CNKSR3: variants seen among roughly 807,000 people sequenced by gnomAD.
CNKSR3 encodes the protein CNKSR family member 3.
In CNKSR3, 36 loss-of-function variants were observed where a neutral mutation model predicts 67.7. That is an observed-to-expected ratio of 0.53 (90% CI 0.41 to 0.70). The LOEUF is 0.70. CNKSR3 is among the 30% of genes least tolerant of loss of function. The pLI, the probability that CNKSR3 is intolerant of heterozygous loss-of-function variation, is 0.00. For missense variants in CNKSR3, 630 were observed against 695.2 expected, an observed-to-expected ratio of 0.91 and a Z score of 1.05; for synonymous variants, 281 against 271.4, an observed-to-expected ratio of 1.04 and a Z score of -0.35.
chr6:154,470,675 C>G (rs1786310174), intron 1 of CNKSR3, among the ~76,000 whole-genome samples: 1 of 152,170 alleles, frequency 6.6e-6, no homozygotes, highest in African/African-American at 2.4e-5. Context: ...CATTTTTATC[C>G]ATTCATCAGT....
intron 1 of CNKSR3, among the ~76,000 whole-genome samples, chr6:154,494,794 A>G (rs546166619): frequency 6.6e-6 from 1 of 152,066 alleles, no homozygotes; most frequent in South Asian, 2.1e-4. Context: ...TGCCTTGGCA[A>G]CCCTAAGGAG....
intron 10 of CNKSR3, among the ~76,000 whole-genome samples, chr6:154,412,498 A>C (rs1386428879): frequency 6.6e-6 from 1 of 152,132 alleles, no homozygotes; most frequent in African/African-American, 2.4e-5. Flanking sequence ...GCCTTCCTCC[A>C]GTTTCTGATA....
intron 1 of CNKSR3, among the ~76,000 whole-genome samples, chr6:154,471,824 G>A (rs759630927): frequency 7.9e-5 from 12 of 151,960 alleles, no homozygotes; most frequent in Non-Finnish European, 1.3e-4. Flanking sequence ...CTGCCATAAC[G>A]CTTCAGGAAA....
rs569304597 is a variant in CNKSR3 at position 154,475,699 on chromosome 6, G to A, written c.53-25441C>T. On this transcript the variant is annotated intron_variant, in intron 1 of 12. Coordinates refer to ENST00000607772, the MANE Select transcript of CNKSR3 (RefSeq NM_173515.4). The stretch of plus-strand genomic sequence containing the variant: ...CCCCAGCCCTAGGCCTTCCTGGGGC[G>A]GAGCCACCCTGCTGCACCTCTGACA... Among the ~76,000 whole-genome samples the A allele has an allele frequency of 3.3e-5, 5 of 152,292 alleles. No individual in the cohort carries two copies. In the East Asian group the frequency reaches 5.8e-4, roughly 18 times the overall value.
chr6:154,466,741 T>A (rs974379274), intron 1 of CNKSR3, among the ~76,000 whole-genome samples: 5 of 151,256 alleles, frequency 3.3e-5, no homozygotes, highest in Admixed American at 1.3e-4. Context: ...TGCCTCATCC[T>A]CCCGAGTAGC....
At chr6:154,501,672 AG>A (rs1786998014) in intron 1 of CNKSR3, among the ~76,000 whole-genome samples, 1 of 152,134 alleles carries the variant, frequency 6.6e-6, no homozygotes, top group African/African-American at 2.4e-5. Flanking sequence ...CGTCATCCAA[AG>A]GAGTCCCCCA....
intron 4 of CNKSR3, among the ~76,000 whole-genome samples, chr6:154,434,238 T>C (rs1221214614): frequency 2.4e-4 from 36 of 152,130 alleles, no homozygotes; most frequent in Non-Finnish European, 7.4e-5. Context: ...CAAAGTGAAA[T>C]TGCCAATGTG....
At chr6:154,444,977 T>C (rs1246474410) in intron 2 of CNKSR3, among the ~76,000 whole-genome samples, 1 of 151,948 alleles carries the variant, frequency 6.6e-6, no homozygotes, top group Non-Finnish European at 1.5e-5. Flanking sequence ...AAAATCAAGA[T>C]ACATAAAGCA....
At chr6:154,466,434 C>T (rs928060297) in intron 1 of CNKSR3, among the ~76,000 whole-genome samples, 4 of 152,062 alleles carry the variant, frequency 2.6e-5, no homozygotes, top group African/African-American at 7.2e-5. Context: ...ATACTGGCAA[C>T]ATTTTGGAAA....
At chr6:154,407,872 GAAAA>G (rs56406534) in intron 12 of CNKSR3, among the ~76,000 whole-genome samples, 8 of 68,676 alleles carry the variant, frequency 1.2e-4, no homozygotes, top group Admixed American at 4.5e-4. Context: ...TTTAGAATTT[GAAAA>G]AAAAAAAAAA....
Position 154,434,723 on chromosome 6 carries a change from G to A in CNKSR3, c.508-1216C>T, listed in dbSNP as rs1290223078. 2.6e-5 allele frequency among the ~76,000 whole-genome samples: 4 copies of A among 152,224 alleles called. No homozygotes were observed. In the South Asian group the frequency reaches 8.3e-4, roughly 32 times the overall value. ...ACTTAAAAAAAATAAATTTAGAAAT[G>A]TATTTTTACATGTGTGAATTTGATA... On this transcript the variant is annotated intron_variant, in intron 4 of 12. Coordinates refer to ENST00000607772, the MANE Select transcript of CNKSR3 (RefSeq NM_173515.4).
At chr6:154,409,961 C>G (rs1173995322) in intron 12 of CNKSR3, among the ~76,000 whole-genome samples, 1 of 151,838 alleles carries the variant, frequency 6.6e-6, no homozygotes, top group Non-Finnish European at 1.5e-5. Flanking sequence ...GCAGGAGGAT[C>G]ACTTGAGTCC....
chr6:154,481,146 T>C (rs1337344892), intron 1 of CNKSR3, among the ~76,000 whole-genome samples: 4 of 152,050 alleles, frequency 2.6e-5, no homozygotes, highest in Non-Finnish European at 5.9e-5. Flanking sequence ...TTGATATTTA[T>C]CTATTTTATT....
intron 1 of CNKSR3, among the ~76,000 whole-genome samples, chr6:154,499,247 T>C (rs61088939): frequency 0.17 from 26,464 of 152,176 alleles, 3,175 homozygotes; most frequent in African/African-American, 0.35. Context: ...CTTAATCAGT[T>C]ATTATGTATT....
chr6:154,449,331 T>G (rs9479859), intron 2 of CNKSR3, among the ~76,000 whole-genome samples: 1,839 of 152,316 alleles, frequency 0.012, 36 homozygotes, highest in African/African-American at 0.042. Context: ...GACATTTTCT[T>G]TTCTTTTTTG....
chr6:154,407,110 A>G (rs1482691046), intron 12 of CNKSR3, among the ~76,000 whole-genome samples: 1 of 152,096 alleles, frequency 6.6e-6, no homozygotes, highest in East Asian at 1.9e-4. Context: ...GGCTGGGCCC[A>G]CCAATGGGTG....
At chr6:154,441,242 C>CAAAAAAAA (rs34887626) in intron 4 of CNKSR3, 50 bp downstream of exon 4, 88 of 847,424 alleles carry the variant, frequency 1.0e-4, no homozygotes, top group South Asian at 1.5e-4. Context: ...AGAGGAAAAG[C>CAAAAAAAA]AAAAAAAAAA....
At chr6:154,426,306 T>G (rs1357296047) in intron 7 of CNKSR3, among the ~76,000 whole-genome samples, 2 of 152,148 alleles carry the variant, frequency 1.3e-5, no homozygotes, top group Non-Finnish European at 2.9e-5. Context: ...GACATTTCAT[T>G]TAATTCAAAA....
chr6:154,430,951 G>GT (rs1785354755), intron 5 of CNKSR3, among the ~76,000 whole-genome samples: 1 of 144,886 alleles, frequency 6.9e-6, no homozygotes, highest in Non-Finnish European at 1.5e-5. Flanking sequence ...TATTGACAAG[G>GT]TAAAAAAAAA....
Sources: gnomAD v4.1 joint callset for allele counts (sites outside exome capture counted in the v4.1 genomes callset) on GRCh38, gnomAD v4.1.1 for gene constraint, MANE v1.5 for transcripts, NCBI Gene and HGNC (gene_info 2026-07-23, HGNC 2026-07-21) for gene names.